Variants in PPIL1 observed in about 807,000 individuals in gnomAD.
The protein encoded by PPIL1 is peptidyl-prolyl cis-trans isomerase-like 1.
A neutral mutation model predicts 19.4 loss-of-function variants in PPIL1; 14 were observed. The observed-to-expected ratio is 0.72, with a 90% CI of 0.48 to 1.13. The LOEUF is 1.13. PPIL1 is among the 50% of genes most tolerant of loss of function. PPIL1 has a pLI of 0.00. For missense variants in PPIL1, 192 were observed against 218.0 expected (o/e 0.88, Z 0.75); for synonymous variants, 72 against 73.6 (o/e 0.98, Z 0.11).
rs111762317 is a variant in PPIL1, at chr6:36,872,012, A to G, written c.57-140T>C. ...TAACCACTGGATTTCATGCTCAGCA[A>G]AGGAAAACACCACAATGCAAGTAAC... is the stretch of plus-strand genomic sequence containing the variant. On this transcript the variant is annotated intron_variant, in intron 1 of 3. Coordinates refer to ENST00000373699, the MANE Select transcript of PPIL1 (RefSeq NM_016059.5). 7 of 752,746 alleles carry G rather than the reference A, an allele frequency of 9.3e-6. No homozygotes were observed. The African/African-American group carries it at 1.1e-4, about 12-fold the overall frequency. The allele number at this position is 752,746 out of a possible 1,614,324, so 46.6% of individuals were successfully genotyped here.
intron 1 of PPIL1, 144 bp downstream of exon 1, chr6:36,874,573 C>T (rs372188657): frequency 3.5e-6 from 4 of 1,144,880 alleles, no homozygotes; most frequent in East Asian, 5.1e-5. Flanking sequence ...CCCTCTCAAC[C>T]CTCTGGGGGC....
At chr6:36,860,132 G>A (rs149821554) in intron 2 of PPIL1, among the ~76,000 whole-genome samples, 1 of 152,002 alleles carries the variant, frequency 6.6e-6, no homozygotes, top group East Asian at 1.9e-4. Flanking sequence ...GCCAAGACCT[G>A]TTTTCTAACC....
At chr6:36,857,487 T>TA (rs1276696683) in intron 2 of PPIL1, among the ~76,000 whole-genome samples, 1 of 143,602 alleles carries the variant, frequency 7.0e-6, no homozygotes, top group East Asian at 2.0e-4. Flanking sequence ...ACTCCATAAA[T>TA]TTTTTTTTTT....
intron 2 of PPIL1, among the ~76,000 whole-genome samples, chr6:36,859,766 C>G (rs1019260781): frequency 6.6e-6 from 1 of 150,996 alleles, no homozygotes; most frequent in African/African-American, 2.4e-5. Flanking sequence ...GGTTCTGTGC[C>G]TGGTCTAGCA....
rs1051172902 is a variant in PPIL1 at position 36,855,751 on chromosome 6, T to C, written c.*62A>G. The C allele has an allele frequency of 1.3e-6, 2 of 1,531,860 alleles. No individual in the cohort carries two copies. Among genetic ancestry groups the C allele is most frequent in the South Asian group, 2.2e-5 (2 of 89,206 alleles). The allele number at this position is 1,531,860 out of a possible 1,614,324, so 94.9% of individuals were successfully genotyped here. On this transcript the variant is annotated 3_prime_UTR_variant, in exon 4 of 4. Coordinates refer to ENST00000373699, the MANE Select transcript of PPIL1 (RefSeq NM_016059.5). ...GAATTTAGCATTACATGTCATTCTATGTCATCTAGAAGCTGGTTCACTGGG... is the reference window on the plus strand; with the variant it reads ...GAATTTAGCATTACATGTCATTCTACGTCATCTAGAAGCTGGTTCACTGGG...
At chr6:36,871,423 TA>T (rs1267479446) in intron 2 of PPIL1, among the ~76,000 whole-genome samples, 1 of 152,236 alleles carries the variant, frequency 6.6e-6, no homozygotes, top group Non-Finnish European at 1.5e-5. Flanking sequence ...TGCATCACTA[TA>T]ATTCAGACAA....
intron 2 of PPIL1, among the ~76,000 whole-genome samples, chr6:36,867,522 T>C (rs935803931): frequency 4.6e-5 from 7 of 151,592 alleles, no homozygotes; most frequent in Admixed American, 2.0e-4. Flanking sequence ...AACAGGGGAG[T>C]GGGTGAGCAG....
chr6:36,856,679 G>C (rs183778902), intron 2 of PPIL1, 25 bp from the exon 3 acceptor site: 1 of 1,602,622 alleles, frequency 6.2e-7, no homozygotes, highest in Non-Finnish European at 8.6e-7. Context: ...GATGACACAT[G>C]AATCAGCCAG....
intron 2 of PPIL1, among the ~76,000 whole-genome samples, chr6:36,864,168 C>T (rs1372724476): frequency 6.6e-6 from 1 of 151,988 alleles, no homozygotes; most frequent in East Asian, 1.9e-4. Context: ...TCCCTCTTTC[C>T]CCACCCTCTA....
intron 1 of PPIL1, among the ~76,000 whole-genome samples, chr6:36,873,525 TTGA>T (rs1774564742): frequency 1.3e-5 from 2 of 152,354 alleles, no homozygotes; most frequent in African/African-American, 4.8e-5. Context: ...CAACAAACTG[TTGA>T]TGGTGTTTTC....
Position 36,855,100 on chromosome 6 carries a change from T to C in PPIL1, c.*713A>G, listed in dbSNP as rs558698474. Reference sequence around the variant, plus strand: ...ATTTCTCCTCTTCTCTGGGAAAAAATGGTCAATGCTTCTGCTTCCTTTTAA... The same window carrying C: ...ATTTCTCCTCTTCTCTGGGAAAAAACGGTCAATGCTTCTGCTTCCTTTTAA... On this transcript the variant is annotated 3_prime_UTR_variant, in exon 4 of 4. Transcript: ENST00000373699. The C allele has an allele frequency of 5.2e-4, 79 of 152,850 alleles. No individual in the cohort carries two copies. The highest frequency in any genetic ancestry group is 1.8e-3 in the African/African-American group (74 of 41,558). The allele number at this position is 152,850 out of a possible 1,614,324, so 9.5% of individuals were successfully genotyped here. A position where few individuals can be genotyped will look rare whatever the true frequency, so the allele number is the denominator to read the frequency against.
intron 2 of PPIL1, among the ~76,000 whole-genome samples, chr6:36,860,771 A>T (rs1165003595): frequency 6.6e-6 from 1 of 152,122 alleles, no homozygotes; most frequent in African/African-American, 2.4e-5. Flanking sequence ...CCTAAAAAAA[A>T]AAAAAAAAAA....
chr6:36,874,656 C>A, intron 1 of PPIL1, 61 bp downstream of exon 1: 1 of 1,590,990 alleles, frequency 6.3e-7, no homozygotes, highest in Non-Finnish European at 8.6e-7. Context: ...GAACGCAGAC[C>A]CGTGGTGAGG....
At chr6:36,866,746 G>C (rs757553278) in intron 2 of PPIL1, among the ~76,000 whole-genome samples, 16 of 152,192 alleles carry the variant, frequency 1.1e-4, no homozygotes, top group Middle Eastern at 3.4e-3. Flanking sequence ...AACAACATGA[G>C]GGGGAGAGAG....
At chr6:36,864,246 C>A (rs116396989) in intron 2 of PPIL1, among the ~76,000 whole-genome samples, 1 of 151,920 alleles carries the variant, frequency 6.6e-6, no homozygotes, top group Non-Finnish European at 1.5e-5. Flanking sequence ...CTGCTTGAAA[C>A]CCTCCATCAA....
intron 2 of PPIL1, among the ~76,000 whole-genome samples, chr6:36,859,844 T>TGTGTG (rs1554132501): frequency 2.0e-5 from 3 of 150,264 alleles, no homozygotes; most frequent in Non-Finnish European, 3.0e-5. Context: ...TGTGTGTGTG[T>TGTGTG]TTTGAGACAG....
intron 2 of PPIL1, among the ~76,000 whole-genome samples, chr6:36,865,128 C>T (rs2150657845): frequency 6.6e-6 from 1 of 152,266 alleles, no homozygotes; most frequent in South Asian, 2.1e-4. Context: ...GCTGGCTCAG[C>T]AGGGTAAGGC....
chr6:36,867,879 T>G (rs960804436), intron 2 of PPIL1, among the ~76,000 whole-genome samples: 3 of 152,066 alleles, frequency 2.0e-5, no homozygotes, highest in Non-Finnish European at 4.4e-5. Flanking sequence ...TCCACATAAG[T>G]GGGGAGAATG....
At chr6:36,860,235 A>C (rs1226922488) in intron 2 of PPIL1, among the ~76,000 whole-genome samples, 1 of 151,764 alleles carries the variant, frequency 6.6e-6, no homozygotes, top group Non-Finnish European at 1.5e-5. Context: ...GGGAGGCTGA[A>C]GGGGGCGGAT....
Sources: allele counts gnomAD v4.1 joint callset (sites outside exome capture counted in the v4.1 genomes callset), GRCh38; gene constraint gnomAD v4.1.1; transcripts MANE v1.5; gene names NCBI Gene and HGNC (gene_info 2026-07-23, HGNC 2026-07-21).